NHS: variants seen among roughly 807,000 people sequenced by gnomAD.
The protein encoded by NHS is actin remodeling regulator NHS.
A neutral mutation model predicts 72.5 loss-of-function variants in NHS; 5 were observed. The ratio of observed to expected loss-of-function variants is 0.07; its 90% confidence interval spans 0.04 to 0.14. NHS has a LOEUF of 0.14. Among genes scored for constraint, NHS ranks in the 10% least tolerant of loss-of-function variants. The pLI is 1.00. For missense variants in NHS, 1,072 were observed against 1,355.7 expected, an observed-to-expected ratio of 0.79 and a Z score of 3.29; for synonymous variants, 464 against 547.7, an observed-to-expected ratio of 0.85 and a Z score of 2.13.
intron 1 of NHS, among the ~76,000 whole-genome samples, chrX:17,424,790 C>G (rs2064642595): frequency 8.9e-6 from 1 of 112,160 alleles, no homozygotes; most frequent in Non-Finnish European, 1.9e-5. Context: ...AAGGATAAAC[C>G]AGATTTTGGT....
chrX:17,601,192 A>T (rs1168852269), intron 1 of NHS, among the ~76,000 whole-genome samples: 2 of 111,695 alleles, frequency 1.8e-5, no homozygotes. Context: ...TATGGAATTA[A>T]TTTTTTAAAA....
chrX:17,549,029 A>G (rs776026825), intron 1 of NHS, among the ~76,000 whole-genome samples: 4 of 104,732 alleles, frequency 3.8e-5, no homozygotes, highest in Non-Finnish European at 5.9e-5. Context: ...ATTTGGGGGA[A>G]ACAAGTTTTC....
chrX:17,666,830 G>A (rs114425780), intron 1 of NHS, among the ~76,000 whole-genome samples: 6,427 of 111,897 alleles, frequency 0.057, 435 homozygotes, highest in African/African-American at 0.2. Flanking sequence ...CTAGCAGCAC[G>A]CGAAAAGAGA....
At chrX:17,626,373 G>A (rs2065798403) in intron 1 of NHS, among the ~76,000 whole-genome samples, 1 of 112,284 alleles carries the variant, frequency 8.9e-6, no homozygotes, top group African/African-American at 3.2e-5. Flanking sequence ...TGCAATGGCA[G>A]GTTCCCTTTC....
chrX:17,611,269 T>G (rs1234084107), intron 1 of NHS, among the ~76,000 whole-genome samples: 1 of 112,124 alleles, frequency 8.9e-6, no homozygotes, highest in Non-Finnish European at 1.9e-5. Context: ...GGGAAGCCAG[T>G]GAACACAATA....
At position 17,464,672 on chromosome X, in the gene NHS, A is replaced by G. The variant is rs1422931007; in HGVS notation, c.565+88350A>G. On this transcript the variant is annotated intron_variant, in intron 1 of 8. Coordinates refer to ENST00000676302, the MANE Select transcript of NHS (RefSeq NM_001291867.2). ...GTTGGTGCCAGCAGCCAGCTGCAAG[A>G]ATCAACTTGGGAGATCCCAGCTTAG... Among the ~76,000 whole-genome samples, 7 of 112,824 alleles carry G rather than the reference A, an allele frequency of 6.2e-5. No homozygotes were observed. In the Admixed American group the frequency reaches 6.5e-4, roughly 11 times the overall value.
At chrX:17,606,792 C>T (rs946647671) in intron 1 of NHS, among the ~76,000 whole-genome samples, 2 of 112,042 alleles carry the variant, frequency 1.8e-5, no homozygotes, top group African/African-American at 6.5e-5. Context: ...TTTGTGGGCT[C>T]ATTGGCACGA....
intron 1 of NHS, among the ~76,000 whole-genome samples, chrX:17,515,569 G>A (rs2065115035): frequency 8.9e-6 from 1 of 112,276 alleles, no homozygotes; most frequent in African/African-American, 3.2e-5. Context: ...ATATGCTGTA[G>A]CTTGAATGTA....
chrX:17,688,454 A>G (rs2066176811), intron 2 of NHS, among the ~76,000 whole-genome samples: 1 of 112,212 alleles, frequency 8.9e-6, no homozygotes, highest in Non-Finnish European at 1.9e-5. Context: ...TTCATTGACC[A>G]TCCTCTGCAT....
At chrX:17,417,919 C>T (rs190763631) in intron 1 of NHS, among the ~76,000 whole-genome samples, 2 of 111,966 alleles carry the variant, frequency 1.8e-5, no homozygotes, top group African/African-American at 6.5e-5. Flanking sequence ...TCCATTTTGT[C>T]GGTGATGGCT....
chrX:17,467,855 TAAG>T (rs1300975445), intron 1 of NHS, among the ~76,000 whole-genome samples: 2 of 112,067 alleles, frequency 1.8e-5, no homozygotes, highest in Non-Finnish European at 3.8e-5. Flanking sequence ...ATATAATTGA[TAAG>T]AGCCATATTT....
At chrX:17,480,514 A>G (rs920065043) in intron 1 of NHS, among the ~76,000 whole-genome samples, 2 of 111,768 alleles carry the variant, frequency 1.8e-5, no homozygotes, top group Non-Finnish European at 3.8e-5. Flanking sequence ...CAAACCTGAC[A>G]AAAACCAGCA....
intron 1 of NHS, among the ~76,000 whole-genome samples, chrX:17,578,974 G>A (rs2065527622): frequency 8.9e-6 from 1 of 111,775 alleles, no homozygotes; most frequent in Non-Finnish European, 1.9e-5. Flanking sequence ...GTGTGTGAGT[G>A]TGTACCAGTG....
chrX:17,603,701 G>A (rs866234263), intron 1 of NHS, among the ~76,000 whole-genome samples: 7 of 111,956 alleles, frequency 6.3e-5, no homozygotes, highest in East Asian at 2.8e-4. Context: ...ACTTCACACC[G>A]TGGCTCAACA....
At chrX:17,578,680 A>T (rs1225419456) in intron 1 of NHS, among the ~76,000 whole-genome samples, 1 of 112,354 alleles carries the variant, frequency 8.9e-6, no homozygotes, top group Admixed American at 9.4e-5. Flanking sequence ...TATGGCAGAA[A>T]TTCAATTGGT....
At chrX:17,477,051 A>T (rs1174067424) in intron 1 of NHS, among the ~76,000 whole-genome samples, 1 of 112,577 alleles carries the variant, frequency 8.9e-6, no homozygotes, top group African/African-American at 3.2e-5. Flanking sequence ...TGAGGATACA[A>T]CAATAAACAA....
rs1458572546 is a variant in NHS, at chrX:17,726,294, C to T, written c.2188C>T (p.His730Tyr). The T allele has an allele frequency of 5.8e-6, 7 of 1,210,419 alleles. No individual in the cohort carries two copies. In the South Asian group the frequency reaches 1.2e-4, roughly 21 times the overall value. Residue 730 changes from histidine (H) to tyrosine (Y), a missense_variant, in exon 7 of 9, where the codon CAT becomes TAT. Physicochemically the swap from His to Tyr is moderately conservative, Grantham distance 83. Transcript: ENST00000676302. ...DSEWNYLHHH[H>Y]DASCRQDFSP... ...TGAGTGGAATTACCTACACCACCAC[C>T]ATGATGCCTCCTGCCGCCAGGATTT... is the stretch of plus-strand genomic sequence containing the variant.
intron 1 of NHS, among the ~76,000 whole-genome samples, chrX:17,639,931 C>T (rs2065872751): frequency 1.8e-5 from 2 of 112,150 alleles, no homozygotes; most frequent in Non-Finnish European, 3.8e-5. Context: ...GAGGAGAGGA[C>T]TTTTGAACTG....
At chrX:17,393,971 A>G (rs2064459340) in intron 1 of NHS, among the ~76,000 whole-genome samples, 1 of 111,379 alleles carries the variant, frequency 9.0e-6, no homozygotes, top group South Asian at 3.8e-4. Context: ...GCTGAGTTTG[A>G]AATACTGGAC....
Sources: allele counts gnomAD v4.1 joint callset (sites outside exome capture counted in the v4.1 genomes callset), GRCh38; gene constraint gnomAD v4.1.1; transcripts MANE v1.5; gene names NCBI Gene and HGNC (gene_info 2026-07-23, HGNC 2026-07-21).